The following GTF2A1 variants were observed in gnomAD, a reference collection of about 807,000 sequenced individuals.
GTF2A1 encodes general transcription factor IIA subunit 1.
In GTF2A1, 12 loss-of-function variants were observed where a neutral mutation model predicts 54.1. The observed-to-expected ratio is 0.22, with a 90% confidence interval of 0.14 to 0.36. GTF2A1 has a LOEUF of 0.36. Among genes scored for constraint, GTF2A1 ranks in the 10% least tolerant of loss-of-function variants. GTF2A1 has a pLI of 1.00. For synonymous variants in GTF2A1, 145 were observed against 152.0 expected, an observed-to-expected ratio of 0.95 and a Z score of 0.34; for missense variants, 335 against 442.2, an observed-to-expected ratio of 0.76 and a Z score of 2.17.
rs1006331954 is a variant in GTF2A1 at position 81,178,681 on chromosome 14, T to C, written c.*1542A>G. 3 of 152,190 alleles carry C rather than the reference T, an allele frequency of 2.0e-5. No individual in the cohort carries two copies. The highest frequency in any genetic ancestry group is 2.0e-4 in the Admixed American group (3 of 15,280). 9.4% of individuals were successfully genotyped at this position (152,190 alleles called of 1,614,324 possible). On this transcript the variant is annotated 3_prime_UTR_variant, in exon 9 of 9. Coordinates refer to ENST00000553612, the MANE Select transcript of GTF2A1 (RefSeq NM_015859.4). ...TAATAGCTCACAGTTTTCTTCTCTG[T>C]AATGTACTTTAAAAAGTGTTCATGT... is the stretch of plus-strand genomic sequence containing the variant.
rs1485468169 is a variant in GTF2A1 at position 81,220,957 on chromosome 14, G to A, written c.-439C>T. ...ACCGCCGCCGCCGCCGCCGCCGAGA[G>A]ACAGGGTGAAGGGGGAGGGAGGGGC... On this transcript the variant is annotated 5_prime_UTR_variant, in exon 1 of 9. Coordinates refer to ENST00000553612, the MANE Select transcript of GTF2A1 (RefSeq NM_015859.4). The A allele has an allele frequency of 4.8e-5, 8 of 168,038 alleles. No individual in the cohort carries two copies. In the South Asian group the frequency reaches 1.2e-3, roughly 25 times the overall value. The allele number at this position is 168,038 out of a possible 1,614,324, so 10.4% of individuals were successfully genotyped here.
chr14:81,197,579 G>T (rs2140158237), intron 4 of GTF2A1, 95 bp from the exon 5 acceptor site: 1 of 680,672 alleles, frequency 1.5e-6, no homozygotes, highest in Non-Finnish European at 2.4e-6. Context: ...TTTTTGTTTA[G>T]AATATACCAA....
At chr14:81,195,567 G>A (rs1892974117) in intron 6 of GTF2A1, among the ~76,000 whole-genome samples, 1 of 149,782 alleles carries the variant, frequency 6.7e-6, no homozygotes, top group Non-Finnish European at 1.5e-5. Flanking sequence ...AGCAAGCAGA[G>A]GTTGCAGTGA....
At chr14:81,207,944 T>C (rs1187484574) in intron 2 of GTF2A1, among the ~76,000 whole-genome samples, 1 of 152,170 alleles carries the variant, frequency 6.6e-6, no homozygotes. Flanking sequence ...AGCATTCCGT[T>C]TTAAAAGGGA....
intron 8 of GTF2A1, among the ~76,000 whole-genome samples, chr14:81,182,158 GTTC>G (rs201715824): frequency 0.029 from 4,463 of 151,998 alleles, 87 homozygotes; most frequent in East Asian, 0.052. Flanking sequence ...CTACTCTCAT[GTTC>G]TTCTTCTGGA....
At chr14:81,190,679 A>C (rs1892857027) in intron 7 of GTF2A1, among the ~76,000 whole-genome samples, 1 of 152,190 alleles carries the variant, frequency 6.6e-6, no homozygotes, top group African/African-American at 2.4e-5. Context: ...AAGAAAACCC[A>C]CAACAAACAT....
At chr14:81,191,438 T>C (rs1378152255) in intron 7 of GTF2A1, among the ~76,000 whole-genome samples, 1 of 152,042 alleles carries the variant, frequency 6.6e-6, no homozygotes, top group Admixed American at 6.6e-5. Flanking sequence ...ATTAGAAAAA[T>C]TGACAAATAA....
intron 7 of GTF2A1, among the ~76,000 whole-genome samples, chr14:81,187,223 C>T (rs1892769190): frequency 6.6e-6 from 1 of 151,894 alleles, no homozygotes; most frequent in Non-Finnish European, 1.5e-5. Context: ...GGCATGGTGG[C>T]AGGTGCCTGT....
chr14:81,220,932 A>ACCG lies in GTF2A1; in HGVS notation c.-417_-415dup, dbSNP rs3040313. On this transcript the variant is annotated 5_prime_UTR_variant, in exon 1 of 9. Transcript: ENST00000553612. ...GAGCCAACAAGCTGCGCGAGCCACCACCGCCGCCGCCGCCGCCGCCGAGAG... is the reference window on the plus strand; with the variant it reads ...GAGCCAACAAGCTGCGCGAGCCACCACCGCCGCCGCCGCCGCCGCCGCCGAGAG... 0.058 allele frequency: 9,588 copies of ACCG among 164,390 alleles called. 381 individuals are homozygous for ACCG. Among genetic ancestry groups the ACCG allele is most frequent in the African/African-American group, 0.089 (3,661 of 41,120 alleles). 10.2% of individuals were successfully genotyped at this position (164,390 alleles called of 1,614,324 possible). A position where few individuals can be genotyped will look rare whatever the true frequency, so the allele number is the denominator to read the frequency against.
chr14:81,210,899 A>G (rs1293223034), intron 2 of GTF2A1, among the ~76,000 whole-genome samples: 1 of 152,162 alleles, frequency 6.6e-6, no homozygotes, highest in Non-Finnish European at 1.5e-5. Context: ...AATCAGGAAT[A>G]CTAATCTTTG....
chr14:81,209,843 T>C (rs1467863740), intron 2 of GTF2A1: 12 of 1,018,664 alleles, frequency 1.2e-5, no homozygotes, highest in African/African-American at 4.9e-5. Flanking sequence ...CCTCCATGCA[T>C]AAAAGACATT....
chr14:81,203,854 A>C, intron 3 of GTF2A1, 46 bp downstream of exon 3: 2 of 1,469,936 alleles, frequency 1.4e-6, no homozygotes, highest in Non-Finnish European at 9.5e-7. Context: ...TCATAATGAC[A>C]AACTTAATTT....
intron 1 of GTF2A1, among the ~76,000 whole-genome samples, 200 bp downstream of exon 1, chr14:81,220,289 C>T (rs1194036328): frequency 6.9e-6 from 1 of 145,050 alleles, no homozygotes; most frequent in Non-Finnish European, 1.5e-5. Flanking sequence ...CTCCCCGCGC[C>T]GCGAGCCCTC....
At chr14:81,192,489 A>G (rs1476651445) in intron 7 of GTF2A1, 30 bp downstream of exon 7, 1 of 1,530,530 alleles carries the variant, frequency 6.5e-7, no homozygotes, top group Non-Finnish European at 8.9e-7. Context: ...AATCAAGTAG[A>G]TTATTTTAAG....
In GTF2A1 at chr14:81,175,979, T is replaced by C. The variant is rs1360487189; in HGVS notation, c.*4244A>G. ...TGTAACACAGTTTACTAATTCAAAT[T>C]GACATCTCAATCTACTTATCTTTAA... On this transcript the variant is annotated 3_prime_UTR_variant, in exon 9 of 9. Transcript: ENST00000553612. The C allele has an allele frequency of 6.6e-6, 1 of 152,194 alleles. No homozygotes were observed. Among genetic ancestry groups the C allele is most frequent in the Non-Finnish European group, 1.5e-5 (1 of 67,994 alleles). 9.4% of individuals were successfully genotyped at this position (152,194 alleles called of 1,614,324 possible).
At chr14:81,203,828 G>C in intron 3 of GTF2A1, 72 bp downstream of exon 3, 1 of 1,317,430 alleles carries the variant, frequency 7.6e-7, no homozygotes, top group Non-Finnish European at 1.1e-6. Flanking sequence ...AAAAAATGCA[G>C]AATATTTCTC....
chr14:81,220,276 G>T (rs930716340), intron 1 of GTF2A1, among the ~76,000 whole-genome samples: 1 of 120,220 alleles, frequency 8.3e-6, no homozygotes, highest in African/African-American at 3.0e-5. Context: ...CGGCGCCCCC[G>T]CCCTCCCCGC....
rs1892537851 is a variant in GTF2A1, at chr14:81,176,772, G to A, written c.*3451C>T. On this transcript the variant is annotated 3_prime_UTR_variant, in exon 9 of 9. Transcript: ENST00000553612. ...TGACAGGTAGGTGAGAGAAAGACAT[G>A]AAATAAAATGAAAATGTACAAAGAT... The A allele has an allele frequency of 6.6e-6, 1 of 151,886 alleles. No individual in the cohort carries two copies. Among genetic ancestry groups the A allele is most frequent in the South Asian group, 2.1e-4 (1 of 4,834 alleles). 9.4% of individuals were successfully genotyped at this position (151,886 alleles called of 1,614,324 possible). A position where few individuals can be genotyped will look rare whatever the true frequency, so the allele number is the denominator to read the frequency against.
chr14:81,212,709 A>C (rs1002859412), intron 2 of GTF2A1, among the ~76,000 whole-genome samples: 1 of 152,366 alleles, frequency 6.6e-6, no homozygotes, highest in African/African-American at 2.4e-5. Flanking sequence ...CGTTTTATTA[A>C]GCAAGAATGT....
Sources: allele counts gnomAD v4.1 joint callset (sites outside exome capture counted in the v4.1 genomes callset), GRCh38; gene constraint gnomAD v4.1.1; transcripts MANE v1.5; gene names NCBI Gene and HGNC (gene_info 2026-07-23, HGNC 2026-07-21).